Variants in TBL1X observed in about 807,000 individuals in gnomAD.
TBL1X encodes F-box-like/WD repeat-containing protein TBL1X.
In TBL1X, 10 loss-of-function variants were observed where a neutral mutation model predicts 50.7. The ratio of observed to expected loss-of-function variants is 0.20; its 90% CI spans 0.12 to 0.33. The LOEUF is 0.33. TBL1X is among the 10% of genes least tolerant of loss of function. The pLI is 1.00. For missense variants in TBL1X, 340 were observed against 504.4 expected (o/e 0.67, Z 3.12); for synonymous variants, 190 against 214.7 (o/e 0.88, Z 1.01).
intron 1 of TBL1X, among the ~76,000 whole-genome samples, chrX:9,479,937 A>AGTGTGTGT (rs1353868118): frequency 1.3e-4 from 5 of 37,894 alleles, no homozygotes; most frequent in African/African-American, 3.8e-4. Flanking sequence ...AGGAAAGTAG[A>AGTGTGTGT]ATGTGTGTGT....
At chrX:9,691,430 C>T (rs374139815) in intron 7 of TBL1X, 149 bp from the exon 8 acceptor site, 32 of 553,828 alleles carry the variant, frequency 5.8e-5, no homozygotes, top group African/African-American at 4.8e-4. Context: ...AGCAAGATTC[C>T]GTCTCAAAAA....
intron 2 of TBL1X, among the ~76,000 whole-genome samples, chrX:9,614,593 A>C (rs1569075887): frequency 1.8e-5 from 2 of 111,803 alleles, no homozygotes; most frequent in Non-Finnish European, 3.8e-5. Context: ...ATTGGCCAAG[A>C]GAAGTCAAGG....
At chrX:9,559,567 A>G (rs2082315501) in intron 2 of TBL1X, among the ~76,000 whole-genome samples, 1 of 112,177 alleles carries the variant, frequency 8.9e-6, no homozygotes, top group Non-Finnish European at 1.9e-5. Context: ...AAGTTCTTTA[A>G]TATCAATTTA....
intron 12 of TBL1X, among the ~76,000 whole-genome samples, chrX:9,702,381 A>G (rs1481767407): frequency 3.7e-5 from 4 of 107,317 alleles, no homozygotes; most frequent in African/African-American, 1.0e-4. Flanking sequence ...GATTGAGGGT[A>G]CAGTGAGCCA....
chrX:9,678,042 G>C (rs1344603473), intron 5 of TBL1X, among the ~76,000 whole-genome samples: 5 of 111,822 alleles, frequency 4.5e-5, no homozygotes, highest in African/African-American at 1.3e-4. Flanking sequence ...CTTCTCTTCT[G>C]TTTCTTTCCT....
chrX:9,628,416 A>G lies in TBL1X; in HGVS notation c.-130-11857A>G, dbSNP rs765243689. Reference sequence around the variant, plus strand: ...TTGAGAACCACTGAAAATTTCCCCAATATAAACATGCATTACTTCTGTAAT... The same window carrying G: ...TTGAGAACCACTGAAAATTTCCCCAGTATAAACATGCATTACTTCTGTAAT... On this transcript the variant is annotated intron_variant, in intron 2 of 17. Transcript: ENST00000645353. 1.8e-4 allele frequency among the ~76,000 whole-genome samples: 20 copies of G among 112,097 alleles called. No homozygotes were observed. In the East Asian group the frequency reaches 5.6e-3, roughly 31 times the overall value.
At chrX:9,495,276 G>A (rs746308462) in intron 1 of TBL1X, among the ~76,000 whole-genome samples, 255 of 111,780 alleles carry the variant, frequency 2.3e-3, no homozygotes, top group Non-Finnish European at 3.9e-3. Context: ...GTAGAGAAGA[G>A]GCAGGAATTG....
intron 2 of TBL1X, among the ~76,000 whole-genome samples, chrX:9,556,749 G>C (rs1436049536): frequency 9.1e-6 from 1 of 110,150 alleles, no homozygotes; most frequent in Non-Finnish European, 1.9e-5. Context: ...GGTGGTATTT[G>C]CTGAAGGCTC....
At chrX:9,687,755 A>G (rs1307232077) in intron 6 of TBL1X, among the ~76,000 whole-genome samples, 1 of 106,906 alleles carries the variant, frequency 9.4e-6, no homozygotes, top group Admixed American at 1.0e-4. Flanking sequence ...TTTGTCCTCA[A>G]TGCCCCAATT....
rs1309578924 is a variant in TBL1X at position 9,536,287 on chromosome X, T to C, written c.-131+34438T>C. On this transcript the variant is annotated intron_variant, in intron 2 of 17. Transcript: ENST00000645353. ...TTTTTTTTTAGATGGAGTCTTGCTCTGTCACCAGGCTGGAATGCAGTGGCG... is the reference window on the plus strand; with the variant it reads ...TTTTTTTTTAGATGGAGTCTTGCTCCGTCACCAGGCTGGAATGCAGTGGCG... Among the ~76,000 whole-genome samples the C allele has an allele frequency of 8.3e-5, 9 of 108,506 alleles. No individual in the cohort carries two copies. The Admixed American group carries it at 8.9e-4, about 11-fold the overall frequency. 94.2% of individuals were successfully genotyped at this position (108,506 alleles called of 115,157 possible).
intron 2 of TBL1X, among the ~76,000 whole-genome samples, chrX:9,507,851 C>T (rs930787240): frequency 4.5e-5 from 5 of 112,290 alleles, no homozygotes; most frequent in African/African-American, 1.6e-4. Flanking sequence ...AAAGGATCTC[C>T]TTATTCAGTA....
At position 9,696,840 on chromosome X, in the gene TBL1X, T is replaced by C. The variant is rs766746798; in HGVS notation, c.1054-529T>C. Among the ~76,000 whole-genome samples, 236 of 112,740 alleles carry C rather than the reference T, an allele frequency of 2.1e-3. 1 individual carries two copies. The highest frequency in any genetic ancestry group is 7.2e-3 in the African/African-American group (223 of 31,088). ...AGTATTGGTTAGGGATGCTCTGTCC[T>C]TAAACCCATTTATGCCTAGTTTCCA... On this transcript the variant is annotated intron_variant, in intron 11 of 17. Coordinates refer to ENST00000645353, the MANE Select transcript of TBL1X (RefSeq NM_005647.4).
At chrX:9,684,877 G>A (rs1175086195) in intron 6 of TBL1X, among the ~76,000 whole-genome samples, 4 of 112,235 alleles carry the variant, frequency 3.6e-5, no homozygotes, top group Non-Finnish European at 3.8e-5. Flanking sequence ...CTTGATTTCT[G>A]GAGCAGGTTG....
chrX:9,679,451 C>T (rs892564169), intron 5 of TBL1X, among the ~76,000 whole-genome samples: 1 of 111,517 alleles, frequency 9.0e-6, no homozygotes, highest in Non-Finnish European at 1.9e-5. Context: ...AAGTAGGTGG[C>T]AAGCCTAGCG....
intron 2 of TBL1X, among the ~76,000 whole-genome samples, chrX:9,529,985 A>T (rs2082152204): frequency 9.0e-6 from 1 of 111,092 alleles, no homozygotes; most frequent in Non-Finnish European, 1.9e-5. Flanking sequence ...TCCATGGCAG[A>T]TGCATGGAGG....
At chrX:9,626,154 G>C (rs920967633) in intron 2 of TBL1X, among the ~76,000 whole-genome samples, 2 of 111,253 alleles carry the variant, frequency 1.8e-5, no homozygotes, top group Admixed American at 9.5e-5. Flanking sequence ...CACGTGTCGC[G>C]TGTGTCTCTT....
At chrX:9,535,297 G>A (rs2082182189) in intron 2 of TBL1X, among the ~76,000 whole-genome samples, 1 of 112,517 alleles carries the variant, frequency 8.9e-6, no homozygotes, top group Admixed American at 9.4e-5. Flanking sequence ...TCCCCTGTAA[G>A]GAAACGAAAT....
chrX:9,570,037 A>G (rs2082376826), intron 2 of TBL1X, among the ~76,000 whole-genome samples: 1 of 111,835 alleles, frequency 8.9e-6, no homozygotes, highest in Admixed American at 9.4e-5. Context: ...AAACCCAGGA[A>G]GTTTCACAGG....
intron 2 of TBL1X, among the ~76,000 whole-genome samples, chrX:9,514,947 T>C (rs1408992464): frequency 4.5e-5 from 5 of 111,945 alleles, no homozygotes; most frequent in African/African-American, 1.6e-4. Flanking sequence ...TCCTTGACTT[T>C]CTTGGAGGCC....
Sources: allele counts gnomAD v4.1 joint callset (sites outside exome capture counted in the v4.1 genomes callset), GRCh38; gene constraint gnomAD v4.1.1; transcripts MANE v1.5; gene names NCBI Gene and HGNC (gene_info 2026-07-23, HGNC 2026-07-21).